The following VCAN variants were observed in gnomAD, a reference collection of about 807,000 sequenced individuals.
VCAN encodes the protein versican core protein.
VCAN carries 44 observed loss-of-function variants against 245.5 expected under a neutral mutation model. The ratio of observed to expected loss-of-function variants is 0.18; its 90% confidence interval spans 0.14 to 0.23. VCAN has a LOEUF of 0.23. Among genes scored for constraint, VCAN ranks in the 10% least tolerant of loss-of-function variants. The probability of loss-of-function intolerance (pLI) is 1.00; values close to 1 mark genes in which losing one functional copy is unlikely to be tolerated. For synonymous variants in VCAN, 1,413 were observed against 1,437.0 expected (o/e 0.98, Z 0.38); for missense variants, 3,793 against 4,057.9 (o/e 0.93, Z 1.77).
intron 3 of VCAN, among the ~76,000 whole-genome samples, chr5:83,492,828 A>G (rs1018461238): frequency 5.3e-5 from 8 of 152,234 alleles, no homozygotes; most frequent in Admixed American, 3.9e-4. Flanking sequence ...TGAATGGTAC[A>G]TGGTGGTCTA....
Position 83,537,780 on chromosome 5 carries a change from G to A in VCAN, c.4777G>A (p.Ala1593Thr). 1 of 1,614,020 alleles carries A rather than the reference G, an allele frequency of 6.2e-7. No homozygotes were observed. The highest frequency in any genetic ancestry group is 8.5e-7 in the Non-Finnish European group (1 of 1,179,960). Residue 1593 changes from alanine (A) to threonine (T), a missense_variant, in exon 8 of 15, where the codon GCA becomes ACA. Ala to Thr is a moderately conservative substitution (Grantham distance 58, BLOSUM62 0). Transcript: ENST00000265077. ...TPTIVPSSAS[A>T]YVSEEEAVTL... Reference sequence around the variant, plus strand: ...CACTATAGTTCCAAGTTCTGCATCAGCATATGTTTCAGAGGAAGAAGCAGT... The same window carrying A: ...CACTATAGTTCCAAGTTCTGCATCAACATATGTTTCAGAGGAAGAAGCAGT...
At chr5:83,514,933 A>C (rs1580622103) in intron 6 of VCAN, among the ~76,000 whole-genome samples, 1 of 152,194 alleles carries the variant, frequency 6.6e-6, no homozygotes, top group Non-Finnish European at 1.5e-5. Flanking sequence ...GGTTATGTAG[A>C]GGAATTTAGA....
intron 5 of VCAN, among the ~76,000 whole-genome samples, chr5:83,509,591 A>T (rs1016651663): frequency 6.6e-6 from 1 of 152,218 alleles, no homozygotes; most frequent in Non-Finnish European, 1.5e-5. Flanking sequence ...GTTACTTAAG[A>T]GGAATGGTAG....
chr5:83,476,157 T>C (rs1347810699), intron 1 of VCAN, among the ~76,000 whole-genome samples: 2 of 152,222 alleles, frequency 1.3e-5, no homozygotes, highest in Admixed American at 6.5e-5. Context: ...TTAAATACTT[T>C]GGAGTTAATG....
In VCAN at chr5:83,537,225, G is replaced by A; in HGVS notation, c.4222G>A (p.Val1408Met). 6.2e-7 allele frequency: 1 copy of A among 1,613,798 alleles called. No individual in the cohort carries two copies. The highest frequency in any genetic ancestry group is 1.1e-5 in the South Asian group (1 of 91,076). Residue 1408 changes from valine to methionine, a missense_variant, in exon 8 of 15, where the codon GTG becomes ATG. Transcript: ENST00000265077. ...TACTGATGTGACAACCACCCCATCT[G>A]TGCAGTACATAAATGGGAAGCATCT... is the stretch of plus-strand genomic sequence containing the variant. ...NATDVTTTPSVQYINGKHLVT... is the reference protein window; with the variant it reads ...NATDVTTTPSMQYINGKHLVT...
At chr5:83,489,760 G>A (rs977693273) in intron 2 of VCAN, among the ~76,000 whole-genome samples, 7 of 150,714 alleles carry the variant, frequency 4.6e-5, no homozygotes, top group Non-Finnish European at 1.0e-4. Context: ...CTGCCCTACG[G>A]ATTCTAGTCT....
chr5:83,563,891 C>T (rs1469315300), intron 12 of VCAN, among the ~76,000 whole-genome samples: 4 of 152,308 alleles, frequency 2.6e-5, no homozygotes, highest in South Asian at 2.1e-4. Flanking sequence ...GATCTGACCT[C>T]TCCTAAGGAT....
intron 5 of VCAN, among the ~76,000 whole-genome samples, chr5:83,503,203 C>CA (rs1178306244): frequency 3.4e-5 from 5 of 149,126 alleles, no homozygotes; most frequent in East Asian, 1.9e-4. Flanking sequence ...TACAGAAAAA[C>CA]AAAAAAACGA....
intron 6 of VCAN, among the ~76,000 whole-genome samples, chr5:83,516,028 C>T (rs568723421): frequency 0.012 from 1,847 of 152,272 alleles, 7 homozygotes; most frequent in Non-Finnish European, 0.017. Context: ...GTCAGGAGAT[C>T]GAGACCATCC....
rs1421681304 is a variant in VCAN, at chr5:83,580,156, A to G, written c.10057A>G (p.Met3353Val). 6 of 1,614,114 alleles carry G rather than the reference A, an allele frequency of 3.7e-6. No individual in the cohort carries two copies. Among genetic ancestry groups the G allele is most frequent in the Non-Finnish European group, 5.1e-6 (6 of 1,179,992 alleles). ...ATGGGCTATACCTAAAATTACCTGC[A>G]TGAACCGTAAGTGGTCCTTTAGAAA... ...GRWAIPKITC[M>V]NPSAYQRTYS... The change falls in exon 14 of 15, where the codon ATG (methionine) becomes GTG (valine). Residue 3353 changes from methionine (M) to valine (V), a missense_variant. This residue lies in a region of VCAN where 205 missense variants were observed against 321.1 expected (regional missense o/e 0.64). Coordinates refer to ENST00000265077, the MANE Select transcript of VCAN (RefSeq NM_004385.5).
Position 83,539,522 on chromosome 5 carries a change from A to G in VCAN, c.6519A>G (p.Glu2173=), listed in dbSNP as rs1317730559. 1 of 1,614,024 alleles carries G rather than the reference A, an allele frequency of 6.2e-7. No homozygotes were observed. The highest frequency in any genetic ancestry group is 1.3e-5 in the African/African-American group (1 of 75,066). Reference sequence around the variant, plus strand: ...GTGATGATAAAGAAATGAAGGAGGAAGACACTTCTTTAGTTAACATGTCTA... The same window carrying G: ...GTGATGATAAAGAAATGAAGGAGGAGGACACTTCTTTAGTTAACATGTCTA... ...TYSDDKEMKE[E]DTSLVNMSTP... Residue 2173 remains glutamate (E), a synonymous_variant, in exon 8 of 15, where the codon GAA becomes GAG. Coordinates refer to ENST00000265077, the MANE Select transcript of VCAN (RefSeq NM_004385.5).
chr5:83,527,966 C>T (rs1045808827), intron 7 of VCAN, among the ~76,000 whole-genome samples: 3 of 152,168 alleles, frequency 2.0e-5, no homozygotes, highest in African/African-American at 2.4e-5. Context: ...GCAGTTACCT[C>T]GAGAGAGACC....
chr5:83,576,313 A>G (rs1420346587), intron 13 of VCAN, among the ~76,000 whole-genome samples: 1 of 152,150 alleles, frequency 6.6e-6, no homozygotes, highest in Admixed American at 6.6e-5. Context: ...AATAAGTGGG[A>G]TCATACTGTA....
rs762666146 is a variant in VCAN, at chr5:83,519,497, C to A, written c.1191C>A (p.Pro397=). Residue 397 remains proline, a synonymous_variant, in exon 7 of 15, where the codon CCC becomes CCA. Transcript: ENST00000265077. The part of the protein sequence containing the change: ...ELPVIPTEFP[P]VGNIVSFEQK... ...CTGTCATTCCAACAGAGTTCCCTCCCGTGGGAAATATTGTCAGTTTTGAAC... is the reference window on the plus strand; with the variant it reads ...CTGTCATTCCAACAGAGTTCCCTCCAGTGGGAAATATTGTCAGTTTTGAAC... 6 of 1,614,120 alleles carry A rather than the reference C, an allele frequency of 3.7e-6. No individual in the cohort carries two copies. Among genetic ancestry groups the A allele is most frequent in the Non-Finnish European group, 5.1e-6 (6 of 1,179,976 alleles).
At position 83,521,410 on chromosome 5, in the gene VCAN, T is replaced by C; in HGVS notation, c.3104T>C (p.Phe1035Ser). 1 of 1,614,120 alleles carries C rather than the reference T, an allele frequency of 6.2e-7. No individual in the cohort carries two copies. Among genetic ancestry groups the C allele is most frequent in the Non-Finnish European group, 8.5e-7 (1 of 1,180,014 alleles). Reference protein sequence around the residue: ...KITEGTTQEEFPWKEQTAEKP... With the variant: ...KITEGTTQEESPWKEQTAEKP... ...ACAGAGGGAACAACTCAGGAAGAAT[T>C]CCCTTGGAAAGAACAGACTGCAGAG... The change falls in exon 7 of 15, where the codon TTC (phenylalanine) becomes TCC (serine). Residue 1035 changes from phenylalanine (F) to serine (S), a missense_variant. By Grantham distance (155) the Phe-to-Ser change is radical (BLOSUM62 -2). Transcript: ENST00000265077.
intron 1 of VCAN, among the ~76,000 whole-genome samples, chr5:83,478,017 A>G (rs1325225061): frequency 6.7e-6 from 1 of 148,602 alleles, no homozygotes; most frequent in Middle Eastern, 3.5e-3. Flanking sequence ...ATCTCAGCTC[A>G]CTGCAACCTC....
chr5:83,580,408 C>G lies in VCAN; in HGVS notation c.10165C>G (p.Arg3389Gly). The change falls in exon 15 of 15, where the codon CGG (arginine) becomes GGG (glycine). Residue 3389 changes from arginine (R) to glycine (G), a missense_variant. Coordinates refer to ENST00000265077, the MANE Select transcript of VCAN (RefSeq NM_004385.5). ...NTSKHDHRWS[R>G]RWQESRR ...ATCCAAACATGATCATCGTTGGAGC[C>G]GGAGGTGGCAGGAGTCGAGGCGCTG... The G allele has an allele frequency of 6.2e-7, 1 of 1,613,774 alleles. No homozygotes were observed. The highest frequency in any genetic ancestry group is 8.5e-7 in the Non-Finnish European group (1 of 1,179,906).
chr5:83,566,717 A>C (rs958481786), intron 12 of VCAN, among the ~76,000 whole-genome samples: 2 of 152,174 alleles, frequency 1.3e-5, no homozygotes, highest in African/African-American at 4.8e-5. Context: ...AATTGAGGTC[A>C]CTCTCTGAGG....
chr5:83,485,038 C>T (rs1744747741), intron 2 of VCAN, among the ~76,000 whole-genome samples: 2 of 152,128 alleles, frequency 1.3e-5, no homozygotes, highest in South Asian at 4.1e-4. Context: ...ACACCCAAAA[C>T]TTGAATAGAA....
Sources: gnomAD v4.1 joint callset for allele counts (sites outside exome capture counted in the v4.1 genomes callset) on GRCh38, gnomAD v4.1.1 for gene constraint, gnomAD v4.1.1 regional missense constraint, MANE v1.5 for transcripts, NCBI Gene and HGNC (gene_info 2026-07-23, HGNC 2026-07-21) for gene names.